Variants in COL24A1 observed in about 807,000 individuals in gnomAD.
The protein encoded by COL24A1 is collagen alpha-1(XXIV) chain.
In COL24A1, 224 loss-of-function variants were observed where a neutral mutation model predicts 253.9. The ratio of observed to expected loss-of-function variants is 0.88; its 90% CI spans 0.79 to 0.99. The LOEUF (loss-of-function observed/expected upper bound fraction) is 0.99, where lower values mean the gene tolerates loss of function less well. Among genes scored for constraint, COL24A1 ranks in the 50% least tolerant of loss-of-function variants. COL24A1 has a pLI of 0.00. For synonymous variants in COL24A1, 685 were observed against 673.7 expected (o/e 1.02, Z -0.26); for missense variants, 2,131 against 2,068.5 (o/e 1.03, Z -0.59).
At chr1:86,046,326 T>C (rs1296837145) in intron 12 of COL24A1, among the ~76,000 whole-genome samples, 1 of 152,150 alleles carries the variant, frequency 6.6e-6, no homozygotes, top group Non-Finnish European at 1.5e-5. Flanking sequence ...ATGTCACAAT[T>C]TCCTCCCATC....
chr1:86,035,663 C>A (rs922946967), intron 12 of COL24A1, among the ~76,000 whole-genome samples: 3 of 152,062 alleles, frequency 2.0e-5, no homozygotes, highest in Admixed American at 1.3e-4. Context: ...GATGGCTGCA[C>A]AATTCTGAAT....
rs529415447 is a variant in COL24A1 at position 86,056,857 on chromosome 1, A to G, written c.1851+1074T>C. On this transcript the variant is annotated intron_variant, in intron 10 of 59. Coordinates refer to ENST00000370571, the MANE Select transcript of COL24A1 (RefSeq NM_152890.7). ...CAACAGAGTAAGACTCTGTCTCACC[A>G]AAAAAAAAAAACACAAAACAAAAAC... Among the ~76,000 whole-genome samples the G allele has an allele frequency of 4.4e-3, 569 of 128,398 alleles. 1 individual carries two copies. Among genetic ancestry groups the G allele is most frequent in the Non-Finnish European group, 7.3e-3 (451 of 61,774 alleles). The allele number at this position is 128,398 out of a possible 152,430, so 84.2% of individuals were successfully genotyped here.
At chr1:86,124,238 A>G (rs2102257192) in intron 3 of COL24A1, among the ~76,000 whole-genome samples, 1 of 151,512 alleles carries the variant, frequency 6.6e-6, no homozygotes, top group East Asian at 1.9e-4. Context: ...TTTTCCCCTC[A>G]CTGAATTGAC....
At chr1:85,877,503 C>T (rs1681320049) in intron 32 of COL24A1, among the ~76,000 whole-genome samples, 1 of 150,966 alleles carries the variant, frequency 6.6e-6, no homozygotes, top group Non-Finnish European at 1.5e-5. Context: ...GCTGGGATTA[C>T]AGGCAATTGC....
chr1:86,063,737 A>G lies in COL24A1; in HGVS notation c.1730T>C (p.Leu577Pro). The G allele has an allele frequency of 2.6e-6, 4 of 1,555,134 alleles. No individual in the cohort carries two copies. The highest frequency in any genetic ancestry group is 3.5e-6 in the Non-Finnish European group (4 of 1,150,128). Residue 577 changes from leucine (L) to proline (P), a missense_variant, in exon 8 of 60, where the codon CTC becomes CCC. By Grantham distance (98) the Leu-to-Pro change is moderately conservative (BLOSUM62 -3). Transcript: ENST00000370571. The stretch of plus-strand genomic sequence containing the variant: ...TACTTGTTCACCTGGAAGTCCTGGG[A>G]GTCCAGGATGTCCTTTGAGACCCTG... ...GDKGLKGHPG[L>P]PGLPGEQGIP... is the part of the protein sequence containing the mutation.
intron 38 of COL24A1, among the ~76,000 whole-genome samples, chr1:85,848,215 A>AC (rs1677357519): frequency 6.6e-6 from 1 of 152,212 alleles, no homozygotes; most frequent in African/African-American, 2.4e-5. Context: ...GGCTTGGAGT[A>AC]TGCCTTGAAA....
chr1:85,843,195 G>A (rs1676811295), intron 39 of COL24A1, among the ~76,000 whole-genome samples: 1 of 152,086 alleles, frequency 6.6e-6, no homozygotes, highest in Non-Finnish European at 1.5e-5. Context: ...TGCATATATA[G>A]TATTTCCCAT....
chr1:86,015,497 G>T (rs505589), intron 19 of COL24A1, among the ~76,000 whole-genome samples: 1 of 151,896 alleles, frequency 6.6e-6, no homozygotes, highest in Non-Finnish European at 1.5e-5. Flanking sequence ...CAAGCTTTAT[G>T]AGAAAGAAGA....
intron 51 of COL24A1, among the ~76,000 whole-genome samples, chr1:85,783,233 A>G (rs975961731): frequency 1.3e-5 from 2 of 149,280 alleles, no homozygotes; most frequent in Non-Finnish European, 3.0e-5. Flanking sequence ...GAGTTAATAC[A>G]TTATCCAGTC....
In COL24A1 at chr1:85,838,568, G is replaced by T. The variant is rs1304845349; in HGVS notation, c.3681+17C>A. The stretch of plus-strand genomic sequence containing the variant: ...CCCTATTTAAATTCATTAGTAAGGG[G>T]TATAACTTGCAATTACCTTATATCC... On this transcript the variant is annotated intron_variant, in intron 43 of 59. Transcript: ENST00000370571. 8 of 1,608,356 alleles carry T rather than the reference G, an allele frequency of 5.0e-6. No individual in the cohort carries two copies. The highest frequency in any genetic ancestry group is 6.8e-6 in the Non-Finnish European group (8 of 1,175,012).
rs1398296980 is a variant in COL24A1, at chr1:85,784,506, C to T, written c.4060-140G>A. 8 of 598,118 alleles carry T rather than the reference C, an allele frequency of 1.3e-5. No individual in the cohort carries two copies. In the Admixed American group the frequency reaches 2.0e-4, roughly 15 times the overall value. The allele number at this position is 598,118 out of a possible 1,614,324, so 37.1% of individuals were successfully genotyped here. On this transcript the variant is annotated intron_variant, in intron 48 of 59. Transcript: ENST00000370571. The stretch of plus-strand genomic sequence containing the variant: ...CTGGGGAAATCAAATTTTGCATGTT[C>T]ATCTTGTTCACCAATATTTTCCACA...
chr1:85,833,986 G>T (rs1675690125), intron 43 of COL24A1, among the ~76,000 whole-genome samples: 1 of 139,066 alleles, frequency 7.2e-6, no homozygotes, highest in Non-Finnish European at 1.6e-5. Flanking sequence ...GGAGGGGGAA[G>T]GGATAGCATT....
intron 53 of COL24A1, among the ~76,000 whole-genome samples, chr1:85,763,693 T>C (rs2764470): frequency 0.89 from 135,046 of 151,558 alleles, 60,921 homozygotes; most frequent in Non-Finnish European, 0.97. Flanking sequence ...TGGGGTTTCA[T>C]CATGTTGGCC....
chr1:85,795,462 C>T (rs557462335), intron 47 of COL24A1, among the ~76,000 whole-genome samples: 17 of 152,048 alleles, frequency 1.1e-4, no homozygotes, highest in South Asian at 6.2e-4. Context: ...ATCCAGGCAA[C>T]GATAAAAATC....
chr1:85,879,263 G>A (rs1415000137), intron 32 of COL24A1, among the ~76,000 whole-genome samples: 1 of 151,790 alleles, frequency 6.6e-6, no homozygotes, highest in Non-Finnish European at 1.5e-5. Flanking sequence ...GTGTGTGTGT[G>A]TGTGTGTGTG....
intron 52 of COL24A1, 140 bp downstream of exon 52, chr1:85,781,080 G>T: frequency 3.4e-6 from 2 of 588,708 alleles, no homozygotes; most frequent in Non-Finnish European, 5.7e-6. Flanking sequence ...AACTTCTCAG[G>T]AATCATTTTC....
chr1:86,065,721 G>T (rs1300217277), intron 7 of COL24A1, among the ~76,000 whole-genome samples: 1 of 143,310 alleles, frequency 7.0e-6, no homozygotes, highest in Admixed American at 7.3e-5. Flanking sequence ...TTGAGCCCAG[G>T]AGCTAAAGTC....
intron 14 of COL24A1, among the ~76,000 whole-genome samples, chr1:86,030,788 G>A (rs566623042): frequency 5.7e-4 from 86 of 150,518 alleles, no homozygotes; most frequent in Admixed American, 1.1e-3. Context: ...GTAGCATTGG[G>A]ATCTCATCAT....
intron 32 of COL24A1, among the ~76,000 whole-genome samples, chr1:85,877,828 T>C (rs948456277): frequency 1.3e-5 from 2 of 152,244 alleles, no homozygotes; most frequent in Admixed American, 1.3e-4. Context: ...TCTTATCTAA[T>C]GTATGTGATA....
Sources: allele counts gnomAD v4.1 joint callset (sites outside exome capture counted in the v4.1 genomes callset), GRCh38; gene constraint gnomAD v4.1.1; transcripts MANE v1.5; gene names NCBI Gene and HGNC (gene_info 2026-07-23, HGNC 2026-07-21).